The following NAV3 variants were observed in gnomAD, a reference collection of about 807,000 sequenced individuals.
The protein encoded by NAV3 is neuron navigator 3.
NAV3 carries 87 observed loss-of-function variants against 244.7 expected under a neutral mutation model. The observed-to-expected ratio is 0.36, with a 90% CI of 0.30 to 0.42. The LOEUF (loss-of-function observed/expected upper bound fraction) is 0.42, where lower values mean the gene tolerates loss of function less well. NAV3 is among the 20% of genes least tolerant of loss of function. NAV3 has a pLI of 1.00. For missense variants in NAV3, 2,663 were observed against 2,893.3 expected, an observed-to-expected ratio of 0.92 and a Z score of 1.83; for synonymous variants, 1,126 against 1,042.2, an observed-to-expected ratio of 1.08 and a Z score of -1.55.
chr12:78,091,063 A>G (rs1043064387), intron 12 of NAV3, among the ~76,000 whole-genome samples: 1 of 151,970 alleles, frequency 6.6e-6, no homozygotes, highest in Non-Finnish European at 1.5e-5. Flanking sequence ...GAAATGACAT[A>G]ATATAATTCC....
chr12:77,885,338 T>C (rs1424475649), intron 1 of NAV3, among the ~76,000 whole-genome samples: 1 of 152,154 alleles, frequency 6.6e-6, no homozygotes, highest in African/African-American at 2.4e-5. Context: ...CTAAATAGCT[T>C]GCCAAAGGTT....
intron 16 of NAV3, among the ~76,000 whole-genome samples, chr12:78,124,451 GTTA>G (rs1955817705): frequency 1.3e-5 from 2 of 151,796 alleles, no homozygotes; most frequent in Admixed American, 6.6e-5. Flanking sequence ...GTTATGTTAT[GTTA>G]TGTTATTTAT....
At chr12:77,925,656 C>T (rs1888136808) in intron 1 of NAV3, among the ~76,000 whole-genome samples, 1 of 152,044 alleles carries the variant, frequency 6.6e-6, no homozygotes, top group Non-Finnish European at 1.5e-5. Flanking sequence ...GACAAGGCTA[C>T]GCAGCAGCAG....
intron 3 of NAV3, among the ~76,000 whole-genome samples, chr12:77,944,047 T>C (rs1890108419): frequency 6.6e-6 from 1 of 152,132 alleles, no homozygotes; most frequent in Admixed American, 6.6e-5. Flanking sequence ...ACTTGAGAAT[T>C]GGAGGAGCAA....
chr12:77,784,536 G>C (rs1187489061), intron 2 of NAV3, among the ~76,000 whole-genome samples: 8 of 152,162 alleles, frequency 5.3e-5, no homozygotes, highest in Admixed American at 5.2e-4. Flanking sequence ...CTGTTGCTTT[G>C]GGTAGGGCAG....
At chr12:77,889,533 C>G (rs151136988) in intron 1 of NAV3, among the ~76,000 whole-genome samples, 2 of 152,170 alleles carry the variant, frequency 1.3e-5, no homozygotes, top group African/African-American at 4.8e-5. Flanking sequence ...ACTATTTTAA[C>G]TACTCTAAGT....
At chr12:78,021,371 G>T (rs1203227807) in intron 8 of NAV3, among the ~76,000 whole-genome samples, 3 of 151,916 alleles carry the variant, frequency 2.0e-5, no homozygotes. Flanking sequence ...TTTTAAAAAA[G>T]AATTTTAGGT....
rs150849870 is a variant in NAV3 at position 77,652,472 on chromosome 12, A to C, written c.72+80206A>C. Among the ~76,000 whole-genome samples, 1,008 of 152,264 alleles carry C rather than the reference A, an allele frequency of 6.6e-3. 10 individuals carry two copies. Among genetic ancestry groups the C allele is most frequent in the African/African-American group, 0.023 (971 of 41,552 alleles). ...ACTCCTTCACTTTTTACAATCTCAA[A>C]CATTCTCTCTTTTCAAAGCAATAAA... On this transcript the variant is annotated intron_variant, in intron 2 of 8. Coordinates refer to the NAV3 transcript ENST00000550042.
chr12:77,635,867 A>T (rs1872131494), intron 2 of NAV3, among the ~76,000 whole-genome samples: 1 of 152,194 alleles, frequency 6.6e-6, no homozygotes. Flanking sequence ...AACTTCCCAA[A>T]GTAACAGAGT....
chr12:77,943,479 C>T (rs1001013802), intron 3 of NAV3, among the ~76,000 whole-genome samples: 2 of 152,188 alleles, frequency 1.3e-5, no homozygotes, highest in African/African-American at 4.8e-5. Flanking sequence ...CAGAAAAATA[C>T]ATATGAAATA....
intron 3 of NAV3, among the ~76,000 whole-genome samples, chr12:77,949,801 A>G (rs1171237732): frequency 6.6e-6 from 1 of 152,086 alleles, no homozygotes; most frequent in Non-Finnish European, 1.5e-5. Context: ...TATTATACAG[A>G]GAAGTTTTAC....
chr12:77,966,499 T>C (rs534757651), intron 4 of NAV3, among the ~76,000 whole-genome samples, 198 bp downstream of exon 4: 5 of 152,240 alleles, frequency 3.3e-5, no homozygotes, highest in Admixed American at 3.3e-4. Flanking sequence ...TTCCATATTT[T>C]GCCAGAACTG....
At chr12:78,026,889 AC>A (rs1191568093) in intron 9 of NAV3, among the ~76,000 whole-genome samples, 1 of 152,204 alleles carries the variant, frequency 6.6e-6, no homozygotes, top group Admixed American at 6.5e-5. Context: ...TCAGAGGAAA[AC>A]AGTAAACAGA....
chr12:77,608,623 G>A (rs1870774239), intron 2 of NAV3, among the ~76,000 whole-genome samples: 1 of 152,026 alleles, frequency 6.6e-6, no homozygotes, highest in Admixed American at 6.6e-5. Flanking sequence ...TATTTTCTAG[G>A]TCTATAGCCT....
intron 24 of NAV3, among the ~76,000 whole-genome samples, chr12:78,171,090 TAGG>T (rs1229972505): frequency 7.2e-5 from 11 of 151,864 alleles, no homozygotes; most frequent in Middle Eastern, 3.4e-3. Context: ...ATTTAAATTT[TAGG>T]AAAACAATTA....
At chr12:77,678,401 A>G (rs1238443391) in intron 2 of NAV3, among the ~76,000 whole-genome samples, 1 of 152,160 alleles carries the variant, frequency 6.6e-6, no homozygotes, top group East Asian at 1.9e-4. Flanking sequence ...TATTGTTTCT[A>G]TGGAAATCTT....
chr12:77,602,659 G>A (rs1298734281), intron 2 of NAV3, among the ~76,000 whole-genome samples: 2 of 151,812 alleles, frequency 1.3e-5, no homozygotes, highest in Non-Finnish European at 2.9e-5. Context: ...GGGGGAATGT[G>A]TTAGGATTCT....
In NAV3 at chr12:78,060,265, C is replaced by G. The variant is rs76812446; in HGVS notation, c.2636+1150C>G. Among the ~76,000 whole-genome samples the G allele has an allele frequency of 2.1e-3, 314 of 152,252 alleles. 1 individual carries two copies. The highest frequency in any genetic ancestry group is 7.2e-3 in the African/African-American group (299 of 41,550). On this transcript the variant is annotated intron_variant, in intron 12 of 39. Transcript: ENST00000397909. Reference sequence around the variant, plus strand: ...ATGTACTCACATTCTGAAATAGGAACTGTATACAATTCATTGTGCATTTTT... The same window carrying G: ...ATGTACTCACATTCTGAAATAGGAAGTGTATACAATTCATTGTGCATTTTT...
At chr12:77,848,779 G>A (rs750295050) in intron 1 of NAV3, among the ~76,000 whole-genome samples, 2 of 152,076 alleles carry the variant, frequency 1.3e-5, no homozygotes, top group Non-Finnish European at 2.9e-5. Flanking sequence ...TTTGCCATAG[G>A]AACTGGAACA....
Sources: gnomAD v4.1 joint callset for allele counts (sites outside exome capture counted in the v4.1 genomes callset) on GRCh38, gnomAD v4.1.1 for gene constraint, MANE v1.5 for transcripts, NCBI Gene and HGNC (gene_info 2026-07-23, HGNC 2026-07-21) for gene names.